Variants in SUSD4 observed in about 807,000 individuals in gnomAD.
SUSD4 encodes sushi domain containing 4.
A neutral mutation model predicts 50.5 loss-of-function variants in SUSD4; 41 were observed. The observed-to-expected ratio is 0.81, with a 90% CI of 0.63 to 1.05. The LOEUF is 1.05. Ranked by LOEUF, SUSD4 falls within the 50% of genes least tolerant of loss-of-function variation. The pLI is 0.00. For synonymous variants in SUSD4, 257 were observed against 257.3 expected (o/e 1.00, Z 0.01); for missense variants, 580 against 634.7 (o/e 0.91, Z 0.93).
intron 3 of SUSD4, among the ~76,000 whole-genome samples, chr1:223,277,871 G>A (rs1261506561): frequency 6.6e-6 from 1 of 152,158 alleles, no homozygotes; most frequent in Non-Finnish European, 1.5e-5. Flanking sequence ...AGAAAATTAT[G>A]TTATTCTCCC....
chr1:223,302,479 C>T (rs1172080463), intron 2 of SUSD4, among the ~76,000 whole-genome samples: 2 of 152,138 alleles, frequency 1.3e-5, no homozygotes, highest in African/African-American at 2.4e-5. Flanking sequence ...CCACCAATGT[C>T]CATCCTGACA....
chr1:223,348,888 C>T (rs998877509), intron 2 of SUSD4, among the ~76,000 whole-genome samples: 7 of 152,206 alleles, frequency 4.6e-5, no homozygotes, highest in African/African-American at 1.2e-4. Flanking sequence ...AATGCATATA[C>T]AAGTCTTCAT....
At chr1:223,326,025 A>G (rs1278439331) in intron 2 of SUSD4, among the ~76,000 whole-genome samples, 3 of 152,192 alleles carry the variant, frequency 2.0e-5, no homozygotes, top group African/African-American at 7.2e-5. Context: ...AACAATCCTA[A>G]AATTCATATG....
At chr1:223,266,347 A>G (rs1558195634) in intron 4 of SUSD4, among the ~76,000 whole-genome samples, 2 of 152,188 alleles carry the variant, frequency 1.3e-5, no homozygotes, top group African/African-American at 4.8e-5. Context: ...GAGGTTGGGG[A>G]TCAGGAATAA....
At chr1:223,362,960 C>T (rs892150058) in intron 2 of SUSD4, among the ~76,000 whole-genome samples, 105 of 148,112 alleles carry the variant, frequency 7.1e-4, no homozygotes, top group African/African-American at 2.6e-3. Flanking sequence ...CCCCCGCCCC[C>T]GCTTCCTTGG....
At chr1:223,333,908 T>A (rs550444426) in intron 2 of SUSD4, among the ~76,000 whole-genome samples, 44 of 152,254 alleles carry the variant, frequency 2.9e-4, no homozygotes, top group South Asian at 8.3e-4. Flanking sequence ...AAAAGCCCTA[T>A]AGATGTGGAC....
intron 2 of SUSD4, among the ~76,000 whole-genome samples, chr1:223,307,319 C>G (rs1310569040): frequency 6.6e-6 from 1 of 152,188 alleles, no homozygotes. Flanking sequence ...TAGTGCAATA[C>G]TAAAATACGT....
At position 223,363,458 on chromosome 1, in the gene SUSD4, A is replaced by G; in HGVS notation, c.-33T>C. On this transcript the variant is annotated splice_region_variant and 5_prime_UTR_variant, in exon 2 of 9. Coordinates refer to ENST00000366878, the MANE Select transcript of SUSD4 (RefSeq NM_017982.4). ...CCACAGAGGGCATCCAGCTTGCAAG[A>G]GTCTGCAACCAGAAGCGGAACACCA... The G allele has an allele frequency of 1.3e-6, 2 of 1,504,566 alleles. No homozygotes were observed. Among genetic ancestry groups the G allele is most frequent in the South Asian group, 2.6e-5 (2 of 75,760 alleles). 93.2% of individuals were successfully genotyped at this position (1,504,566 alleles called of 1,614,324 possible).
At chr1:223,315,792 C>T (rs1666151564) in intron 2 of SUSD4, among the ~76,000 whole-genome samples, 2 of 152,174 alleles carry the variant, frequency 1.3e-5, no homozygotes. Flanking sequence ...ACGGCAGCTG[C>T]TCCTCAGCAC....
chr1:223,353,058 A>AC (rs1293265578), intron 2 of SUSD4, among the ~76,000 whole-genome samples: 3 of 152,200 alleles, frequency 2.0e-5, no homozygotes, highest in African/African-American at 7.2e-5. Context: ...AAAGGAGCTG[A>AC]CCGGGCTTGG....
intron 5 of SUSD4, among the ~76,000 whole-genome samples, chr1:223,262,204 G>A (rs901489445): frequency 3.9e-5 from 6 of 152,154 alleles, no homozygotes; most frequent in South Asian, 2.1e-4. Context: ...AAAGAGGAAC[G>A]GGAAAGGGAC....
intron 2 of SUSD4, among the ~76,000 whole-genome samples, chr1:223,355,814 T>C (rs527436150): frequency 2.0e-5 from 3 of 152,298 alleles, no homozygotes; most frequent in South Asian, 2.1e-4. Flanking sequence ...ACTCAATGGA[T>C]TGGGATGATA....
intron 5 of SUSD4, among the ~76,000 whole-genome samples, chr1:223,237,285 TC>T (rs1453183543): frequency 6.6e-6 from 1 of 152,028 alleles, no homozygotes. Context: ...GATGATCATG[TC>T]CCCTGTGAAA....
At chr1:223,302,172 C>G (rs1665238859) in intron 2 of SUSD4, among the ~76,000 whole-genome samples, 1 of 152,174 alleles carries the variant, frequency 6.6e-6, no homozygotes, top group African/African-American at 2.4e-5. Context: ...CCTGCTTCCC[C>G]TTCACCTTCC....
chr1:223,350,888 A>G (rs1423555956), intron 2 of SUSD4, among the ~76,000 whole-genome samples: 2 of 152,228 alleles, frequency 1.3e-5, no homozygotes, highest in South Asian at 2.1e-4. Flanking sequence ...CTGAGAATCT[A>G]GAACACACAG....
chr1:223,304,175 C>T (rs1179689176), intron 2 of SUSD4, among the ~76,000 whole-genome samples: 1 of 152,174 alleles, frequency 6.6e-6, no homozygotes, highest in Non-Finnish European at 1.5e-5. Context: ...CATTCCATTC[C>T]CAGAGCTATG....
rs117360506 is a variant in SUSD4 at position 223,240,705 on chromosome 1, T to C, written c.725-11317A>G. 5.1e-3 allele frequency among the ~76,000 whole-genome samples: 773 copies of C among 152,372 alleles called. 29 individuals are homozygous for C. In the East Asian group the frequency reaches 0.11, roughly 22 times the overall value. ...CCCATTTTTTTGTGCATGCTGAATATTTCCTCCATTAGAGCCCTTAGCATA... is the reference window on the plus strand; with the variant it reads ...CCCATTTTTTTGTGCATGCTGAATACTTCCTCCATTAGAGCCCTTAGCATA... On this transcript the variant is annotated intron_variant, in intron 5 of 8. Coordinates refer to ENST00000366878, the MANE Select transcript of SUSD4 (RefSeq NM_017982.4).
At chr1:223,364,819 T>C (rs920815503), upstream of SUSD4, among the ~76,000 whole-genome samples, 2 of 151,736 alleles carry the variant, frequency 1.3e-5, no homozygotes, top group Non-Finnish European at 2.9e-5. This position sits in a 1 kb window ranked among gnomAD's most constrained non-coding sequence, Gnocchi z 4.5. Context: ...ATTGCCCGAG[T>C]CTCTTAATTT....
chr1:223,256,858 G>A (rs1661729439), intron 5 of SUSD4, among the ~76,000 whole-genome samples: 1 of 152,182 alleles, frequency 6.6e-6, no homozygotes, highest in Admixed American at 6.5e-5. Context: ...TAGAAGGTGT[G>A]GGCTCAGGAG....
Sources: gnomAD v4.1 joint callset for allele counts (sites outside exome capture counted in the v4.1 genomes callset) on GRCh38, gnomAD v4.1.1 for gene constraint, Gnocchi (gnomAD v3.1) non-coding constraint, MANE v1.5 for transcripts, NCBI Gene and HGNC (gene_info 2026-07-23, HGNC 2026-07-21) for gene names.